The following TOR3A variants were observed in gnomAD, a reference collection of about 807,000 sequenced individuals.
TOR3A encodes the protein torsin-3A.
In TOR3A, 44 loss-of-function variants were observed where a neutral mutation model predicts 42.1. The ratio of observed to expected loss-of-function variants is 1.04; its 90% CI spans 0.82 to 1.34. The LOEUF is 1.34. TOR3A is among the 40% of genes most tolerant of loss of function. The pLI, the probability that TOR3A is intolerant of heterozygous loss-of-function variation, is 0.00. For missense variants in TOR3A, 521 were observed against 507.6 expected, an observed-to-expected ratio of 1.03 and a Z score of -0.25; for synonymous variants, 227 against 213.2, an observed-to-expected ratio of 1.06 and a Z score of -0.57.
rs1224574562 is a variant in TOR3A at position 179,095,869 on chromosome 1, T to C, written c.*651T>C. On this transcript the variant is annotated 3_prime_UTR_variant, in exon 6 of 6. Transcript: ENST00000367627. The stretch of plus-strand genomic sequence containing the variant: ...GAAGATATTTTACAAACCAGGTCAG[T>C]GTAGGCCAAGACTTATGGTCTACAG... The C allele has an allele frequency of 2.3e-5, 23 of 984,352 alleles. No homozygotes were observed. The highest frequency in any genetic ancestry group is 2.8e-5 in the Non-Finnish European group (23 of 830,134). The allele number at this position is 984,352 out of a possible 1,614,324, so 61.0% of individuals were successfully genotyped here.
Position 179,095,425 on chromosome 1 carries a change from GAGAT to G in TOR3A, c.*214_*217del. The stretch of plus-strand genomic sequence containing the variant: ...TTTTCTTTTTTTTGGAGGTCCCACC[GAGAT>G]AGATAGGAACTTGGATTGCTGAATT... On this transcript the variant is annotated 3_prime_UTR_variant, in exon 6 of 6. Transcript: ENST00000367627. The G allele has an allele frequency of 7.1e-7, 1 of 1,402,944 alleles. No homozygotes were observed. The highest frequency in any genetic ancestry group is 9.2e-7 in the Non-Finnish European group (1 of 1,082,826). 86.9% of individuals were successfully genotyped at this position (1,402,944 alleles called of 1,614,324 possible). A position where few individuals can be genotyped will look rare whatever the true frequency, so the allele number is the denominator to read the frequency against.
intron 4 of TOR3A, 89 bp downstream of exon 4, chr1:179,088,178 A>C: frequency 7.3e-7 from 1 of 1,373,970 alleles, no homozygotes; most frequent in Non-Finnish European, 9.8e-7. Context: ...CCAGGTTCAG[A>C]ACCTTTCCTC....
In TOR3A at chr1:179,085,610, C is replaced by T; in HGVS notation, c.374-18C>T. The T allele has an allele frequency of 6.2e-7, 1 of 1,610,986 alleles. No homozygotes were observed. Among genetic ancestry groups the T allele is most frequent in the South Asian group, 1.1e-5 (1 of 91,008 alleles). On this transcript the variant is annotated intron_variant, in intron 2 of 5. Coordinates refer to ENST00000367627, the MANE Select transcript of TOR3A (RefSeq NM_022371.4). Reference sequence around the variant, plus strand: ...CTGTGTGTGCCTTTTGCTGTGACTACCTCTTTCCTGTCCTTAGGCTTAGAG... The same window carrying T: ...CTGTGTGTGCCTTTTGCTGTGACTATCTCTTTCCTGTCCTTAGGCTTAGAG...
At position 179,085,717 on chromosome 1, in the gene TOR3A, C is replaced by G. The variant is rs1481211969; in HGVS notation, c.463C>G (p.Pro155Ala). The change falls in exon 3 of 6, where the codon CCC (proline) becomes GCC (alanine). Residue 155 changes from proline (P) to alanine (A), a missense_variant. Transcript: ENST00000367627. ...AACAGTGAGGGGCTACTTAGAGACG[C>G]CCCAGCCAGAAAAGGCCCTTGCTCT... is the stretch of plus-strand genomic sequence containing the variant. ...LRTVRGYLETPQPEKALALSF... is the reference protein window; with the variant it reads ...LRTVRGYLETAQPEKALALSF... The G allele has an allele frequency of 6.2e-7, 1 of 1,614,108 alleles. No individual in the cohort carries two copies. Among genetic ancestry groups the G allele is most frequent in the Non-Finnish European group, 8.5e-7 (1 of 1,180,060 alleles).
At chr1:179,088,636 G>C (rs926178994) in intron 4 of TOR3A, 1 of 152,260 alleles carries the variant, frequency 6.6e-6, no homozygotes, top group Non-Finnish European at 1.5e-5. Context: ...TAAAATCCAG[G>C]GTATACGGGT....
At chr1:179,087,454 C>A (rs2102543383) in intron 3 of TOR3A, among the ~76,000 whole-genome samples, 1 of 152,354 alleles carries the variant, frequency 6.6e-6, no homozygotes, top group East Asian at 1.9e-4. Flanking sequence ...CAACTCCTAT[C>A]CACCCCCTGG....
chr1:179,082,439 C>T lies in TOR3A; in HGVS notation c.259+52C>T, dbSNP rs532951665. On this transcript the variant is annotated intron_variant, in intron 1 of 5. Coordinates refer to ENST00000367627, the MANE Select transcript of TOR3A (RefSeq NM_022371.4). ...GTTCGCTGCGGAGCAGAGTGCGATC[C>T]GGGCGCGGCTGTGGTCGCCTCGCTC... 25 of 1,551,236 alleles carry T rather than the reference C, an allele frequency of 1.6e-5. No homozygotes were observed. The African/African-American group carries it at 3.3e-4, about 21-fold the overall frequency.
In TOR3A at chr1:179,089,949, T is replaced by C. The variant is rs926586105; in HGVS notation, c.818+1860T>C. On this transcript the variant is annotated intron_variant, in intron 4 of 5. Transcript: ENST00000367627. ...TTGGAAAACCTCACCTGGGCCGTGA[T>C]TGCCTAACGTGACCCGGTGACCCTG... 1.2e-4 allele frequency among the ~76,000 whole-genome samples: 19 copies of C among 152,254 alleles called. No individual in the cohort carries two copies. The East Asian group carries it at 3.7e-3, about 29-fold the overall frequency.
In TOR3A at chr1:179,082,095, G is replaced by C. The variant is rs747881578; in HGVS notation, c.-34G>C. 2.8e-6 allele frequency: 4 copies of C among 1,434,654 alleles called. No individual in the cohort carries two copies. The highest frequency in any genetic ancestry group is 2.9e-5 in the Admixed American group (1 of 34,896). The allele number at this position is 1,434,654 out of a possible 1,614,324, so 88.9% of individuals were successfully genotyped here. A position where few individuals can be genotyped will look rare whatever the true frequency, so the allele number is the denominator to read the frequency against. On this transcript the variant is annotated 5_prime_UTR_variant, in exon 1 of 6. Transcript: ENST00000367627. Reference sequence around the variant, plus strand: ...GGGCTTAAGGGAGCCTGGCTAGGCCGGCAGCCGGATGGTCCCGCAGCTCGG... The same window carrying C: ...GGGCTTAAGGGAGCCTGGCTAGGCCCGCAGCCGGATGGTCCCGCAGCTCGG...
In TOR3A at chr1:179,095,307, G is replaced by GT; in HGVS notation, c.*92dup. 1 of 1,566,464 alleles carries GT rather than the reference G, an allele frequency of 6.4e-7. No homozygotes were observed. Among genetic ancestry groups the GT allele is most frequent in the Non-Finnish European group, 8.6e-7 (1 of 1,158,988 alleles). On this transcript the variant is annotated 3_prime_UTR_variant, in exon 6 of 6. Transcript: ENST00000367627. ...AGCACCCCGTTTGGGACTGTGAGGT[G>GT]TTTGAGGGTGTGGACTGGCATCCAG...
In TOR3A at chr1:179,082,162, T is replaced by C. The variant is rs1364542232; in HGVS notation, c.34T>C (p.Phe12Leu). Residue 12 changes from phenylalanine (F) to leucine (L), a missense_variant, in exon 1 of 6, where the codon TTT becomes CTT. Coordinates refer to ENST00000367627, the MANE Select transcript of TOR3A (RefSeq NM_022371.4). ...CGGTCCGTGGCGCCAGCTTTGGCTC[T>C]TTTTCCTGCTGCTGCTCCCGGGCGC... is the stretch of plus-strand genomic sequence containing the variant. ...LRGPWRQLWL[F>L]FLLLLPGAPE... The C allele has an allele frequency of 2.6e-6, 4 of 1,511,516 alleles. No homozygotes were observed. In the South Asian group the frequency reaches 3.7e-5, roughly 14 times the overall value. 93.6% of individuals were successfully genotyped at this position (1,511,516 alleles called of 1,614,324 possible).
chr1:179,083,684 C>T (rs1327077445), intron 2 of TOR3A, among the ~76,000 whole-genome samples: 1 of 149,542 alleles, frequency 6.7e-6, no homozygotes, highest in Non-Finnish European at 1.5e-5. Context: ...GCTGTGATTA[C>T]AGGCGTGAGC....
chr1:179,084,457 C>T (rs1652376963), intron 2 of TOR3A, among the ~76,000 whole-genome samples: 2 of 152,114 alleles, frequency 1.3e-5, no homozygotes. Flanking sequence ...AACTCCTGAC[C>T]TCGTGATCCG....
chr1:179,093,557 C>A (rs546715931), intron 4 of TOR3A, among the ~76,000 whole-genome samples: 1 of 152,318 alleles, frequency 6.6e-6, no homozygotes, highest in South Asian at 2.1e-4. Flanking sequence ...TCCATAAGCT[C>A]AAGTCCATGC....
chr1:179,095,257 C>T lies in TOR3A; in HGVS notation c.*39C>T. 1 of 1,610,458 alleles carries T rather than the reference C, an allele frequency of 6.2e-7. No homozygotes were observed. The highest frequency in any genetic ancestry group is 1.1e-5 in the South Asian group (1 of 90,744). On this transcript the variant is annotated 3_prime_UTR_variant, in exon 6 of 6. Coordinates refer to ENST00000367627, the MANE Select transcript of TOR3A (RefSeq NM_022371.4). The stretch of plus-strand genomic sequence containing the variant: ...ACTTCCTGGAACTGCCTTTCTTCCA[C>T]TAACAGGACCCTGGGACCTGTAGGA...
In TOR3A at chr1:179,094,225, A is replaced by G; in HGVS notation, c.943+8A>G. 1 of 1,610,204 alleles carries G rather than the reference A, an allele frequency of 6.2e-7. No homozygotes were observed. The highest frequency in any genetic ancestry group is 8.5e-7 in the Non-Finnish European group (1 of 1,178,674). ...AGATTGTGGAGACCATAGGTGAGTA[A>G]CTGACTCAATATGCCTCTGGTGAGA... On this transcript the variant is annotated splice_region_variant and intron_variant, in intron 5 of 5. Coordinates refer to ENST00000367627, the MANE Select transcript of TOR3A (RefSeq NM_022371.4).
At chr1:179,086,678 A>AG (rs1358016140) in intron 3 of TOR3A, among the ~76,000 whole-genome samples, 5 of 152,052 alleles carry the variant, frequency 3.3e-5, no homozygotes, top group Admixed American at 3.3e-4. Flanking sequence ...AAAAAAAAAA[A>AG]AAAAAGAAAA....
chr1:179,085,317 G>A (rs1044558712), intron 2 of TOR3A: 6 of 282,122 alleles, frequency 2.1e-5, no homozygotes, highest in African/African-American at 8.6e-5. Context: ...CCAGCCACTC[G>A]GGAGGCTGAG....
At chr1:179,093,444 T>C (rs1385289519) in intron 4 of TOR3A, among the ~76,000 whole-genome samples, 2 of 152,248 alleles carry the variant, frequency 1.3e-5, no homozygotes, top group African/African-American at 2.4e-5. Flanking sequence ...ACGCTTGTTC[T>C]TTGATGACCT....
Sources: allele counts gnomAD v4.1 joint callset (sites outside exome capture counted in the v4.1 genomes callset), GRCh38; gene constraint gnomAD v4.1.1; transcripts MANE v1.5; gene names NCBI Gene and HGNC (gene_info 2026-07-23, HGNC 2026-07-21).